Variants in BCL10 observed in about 807,000 individuals in gnomAD.
BCL10 encodes the protein BCL10 immune signaling adaptor.
In BCL10, 5 loss-of-function variants were observed where a neutral mutation model predicts 19.2. The observed-to-expected ratio is 0.26, with a 90% CI of 0.14 to 0.55. BCL10 has a LOEUF of 0.55. BCL10 is among the 20% of genes least tolerant of loss of function. The probability of loss-of-function intolerance (pLI) is 0.94; values close to 1 mark genes in which losing one functional copy is unlikely to be tolerated. For synonymous variants in BCL10, 110 were observed against 98.8 expected, an observed-to-expected ratio of 1.11 and a Z score of -0.67; for missense variants, 201 against 271.9, an observed-to-expected ratio of 0.74 and a Z score of 1.83.
intron 1 of BCL10, among the ~76,000 whole-genome samples, chr1:85,272,645 G>C (rs1357809946): frequency 6.6e-6 from 1 of 152,100 alleles, no homozygotes; most frequent in African/African-American, 2.4e-5. Flanking sequence ...GAGTAGAAAA[G>C]TTAAGGGCAT....
At chr1:85,273,300 C>T (rs982963534) in intron 1 of BCL10, among the ~76,000 whole-genome samples, 2 of 152,176 alleles carry the variant, frequency 1.3e-5, no homozygotes, top group African/African-American at 4.8e-5. Flanking sequence ...CATTTTTCAG[C>T]TGCATAAACA....
At chr1:85,272,332 A>G (rs1660389304) in intron 1 of BCL10, among the ~76,000 whole-genome samples, 1 of 152,038 alleles carries the variant, frequency 6.6e-6, no homozygotes. Context: ...CCTAGACTCA[A>G]GTGATCCCCA....
chr1:85,272,710 G>T (rs1186957303), intron 1 of BCL10, among the ~76,000 whole-genome samples: 1 of 152,142 alleles, frequency 6.6e-6, no homozygotes, highest in Admixed American at 6.5e-5. Flanking sequence ...ACTCACCCTT[G>T]TGAGAGCTGG....
At position 85,265,979 on chromosome 1, in the gene BCL10, T is replaced by C. The variant is rs1461593047; in HGVS notation, c.*1648A>G. ...CCTTCCTTAAATGTAACCTATTTTC[T>C]TTCTAACACCACTATTTTTGCTATG... On this transcript the variant is annotated 3_prime_UTR_variant, in exon 3 of 3. Coordinates refer to ENST00000648566, the MANE Select transcript of BCL10 (RefSeq NM_003921.5). Among the ~76,000 whole-genome samples, 1 of 152,246 alleles carries C rather than the reference T, an allele frequency of 6.6e-6. No individual in the cohort carries two copies. The highest frequency in any genetic ancestry group is 1.5e-5 in the Non-Finnish European group (1 of 68,040).
chr1:85,273,062 A>G (rs1264582260), intron 1 of BCL10, among the ~76,000 whole-genome samples: 2 of 152,138 alleles, frequency 1.3e-5, no homozygotes, highest in East Asian at 3.9e-4. Context: ...GATTTAGGTC[A>G]GTGGTCATCT....
Position 85,276,412 on chromosome 1 carries a change from C to T in BCL10, c.-60G>A. On this transcript the variant is annotated 5_prime_UTR_variant, in exon 1 of 3. Transcript: ENST00000648566. ...GGGAGCTCGGGCTGCGCCGCCCCGC[C>T]CTGGCTGGGGGCTTCGGCCTCCGGG... 6.3e-7 allele frequency: 1 copy of T among 1,589,798 alleles called. No homozygotes were observed. The highest frequency in any genetic ancestry group is 8.6e-7 in the Non-Finnish European group (1 of 1,159,238).
chr1:85,268,004 G>A, intron 2 of BCL10, 22 bp from the exon 3 acceptor site: 2 of 1,446,626 alleles, frequency 1.4e-6, no homozygotes, highest in Non-Finnish European at 1.8e-6. Flanking sequence ...TTATTCAGAT[G>A]TAAATGAAAA....
chr1:85,275,129 G>A (rs3768234), intron 1 of BCL10, among the ~76,000 whole-genome samples: 7,200 of 152,290 alleles, frequency 0.047, 252 homozygotes, highest in East Asian at 0.15. Flanking sequence ...AGGAGGCCTA[G>A]CTCTTGGAAG....
chr1:85,269,826 G>A (rs528612113), intron 2 of BCL10, among the ~76,000 whole-genome samples: 3 of 152,346 alleles, frequency 2.0e-5, no homozygotes, highest in East Asian at 1.9e-4. Context: ...AATGGGACAG[G>A]TGAATCTGCT....
chr1:85,273,839 G>A (rs760963836), intron 1 of BCL10, among the ~76,000 whole-genome samples: 23 of 152,292 alleles, frequency 1.5e-4, no homozygotes, highest in Non-Finnish European at 2.9e-4. Flanking sequence ...CAGGCAGAGG[G>A]ATCTTTAAAC....
intron 1 of BCL10, among the ~76,000 whole-genome samples, chr1:85,273,532 T>A (rs1002920263): frequency 4.6e-5 from 7 of 152,238 alleles, no homozygotes; most frequent in Non-Finnish European, 1.0e-4. Flanking sequence ...AATCATTCAA[T>A]TCCACACTTA....
At position 85,275,978 on chromosome 1, in the gene BCL10, A is replaced by C. The variant is rs529394259; in HGVS notation, c.57+318T>G. 1.1e-4 allele frequency among the ~76,000 whole-genome samples: 16 copies of C among 152,352 alleles called. No individual in the cohort carries two copies. In the South Asian group the frequency reaches 3.3e-3, roughly 32 times the overall value. On this transcript the variant is annotated intron_variant, in intron 1 of 2. Transcript: ENST00000648566. Reference sequence around the variant, plus strand: ...GATGAATCTGAGCCGCCAGTCCCTAACGAAGCATCTCCAAGAACCCAGTTG... The same window carrying C: ...GATGAATCTGAGCCGCCAGTCCCTACCGAAGCATCTCCAAGAACCCAGTTG...
At position 85,267,904 on chromosome 1, in the gene BCL10, T is replaced by C. The variant is rs1290999992; in HGVS notation, c.425A>G (p.Asn142Ser). The C allele has an allele frequency of 5.0e-6, 8 of 1,613,874 alleles. No homozygotes were observed. Among genetic ancestry groups the C allele is most frequent in the Non-Finnish European group, 6.8e-6 (8 of 1,179,970 alleles). ...GGATGCCCTCAGTTTTTCAGAGAAATTACTCTCATCTGAATTTGATCTGGA... is the reference window on the plus strand; with the variant it reads ...GGATGCCCTCAGTTTTTCAGAGAAACTACTCTCATCTGAATTTGATCTGGA... ...NLSRSNSDES[N>S]FSEKLRASTV... The change falls in exon 3 of 3, where the codon AAT becomes AGT. Residue 142 changes from asparagine (N) to serine (S), a missense_variant. By Grantham distance (46) the Asn-to-Ser change is conservative (BLOSUM62 1). Coordinates refer to ENST00000648566, the MANE Select transcript of BCL10 (RefSeq NM_003921.5).
rs781284853 is a variant in BCL10 at position 85,267,905 on chromosome 1, T to G, written c.424A>C (p.Asn142His). Reference sequence around the variant, plus strand: ...GATGCCCTCAGTTTTTCAGAGAAATTACTCTCATCTGAATTTGATCTGGAG... The same window carrying G: ...GATGCCCTCAGTTTTTCAGAGAAATGACTCTCATCTGAATTTGATCTGGAG... ...NLSRSNSDESNFSEKLRASTV... is the reference protein window; with the variant it reads ...NLSRSNSDESHFSEKLRASTV... The change falls in exon 3 of 3, where the codon AAT becomes CAT. Residue 142 changes from asparagine to histidine, a missense_variant. Coordinates refer to ENST00000648566, the MANE Select transcript of BCL10 (RefSeq NM_003921.5). 7 of 1,614,004 alleles carry G rather than the reference T, an allele frequency of 4.3e-6. No homozygotes were observed. The Admixed American group carries it at 8.3e-5, about 19-fold the overall frequency.
rs1570329297 is a variant in BCL10, at chr1:85,267,741, C to T, written c.588G>A (p.Gly196=). 6.2e-7 allele frequency: 1 copy of T among 1,614,160 alleles called. No homozygotes were observed. The highest frequency in any genetic ancestry group is 8.5e-7 in the Non-Finnish European group (1 of 1,180,022). The change falls in exon 3 of 3, where the codon GGG becomes GGA. Residue 196 remains glycine (G), a synonymous_variant. Coordinates refer to ENST00000648566, the MANE Select transcript of BCL10 (RefSeq NM_003921.5). ...IFSSTTLPRP[G]DPGAPPLPPD... is the part of the protein sequence containing the mutation. ...GTGGCAAAGGAGGAGCCCCTGGGTCCCCAGGTCTGGGAAGTGTAGTTGAAG... is the reference window on the plus strand; with the variant it reads ...GTGGCAAAGGAGGAGCCCCTGGGTCTCCAGGTCTGGGAAGTGTAGTTGAAG...
intron 2 of BCL10, among the ~76,000 whole-genome samples, chr1:85,270,413 C>G (rs1418187826): frequency 6.6e-6 from 1 of 152,208 alleles, no homozygotes; most frequent in Non-Finnish European, 1.5e-5. Context: ...GCTGGAAACA[C>G]AGGTATGCAC....
At chr1:85,270,479 C>T in intron 2 of BCL10, 139 bp downstream of exon 2, 1 of 734,034 alleles carries the variant, frequency 1.4e-6, no homozygotes, top group Non-Finnish European at 2.2e-6. Flanking sequence ...CGCTATGTTG[C>T]CCAGGCTGGT....
rs1284632909 is a variant in BCL10, at chr1:85,265,835, AGT to A, written c.*1790_*1791del. 2.6e-5 allele frequency among the ~76,000 whole-genome samples: 4 copies of A among 152,210 alleles called. No homozygotes were observed. The highest frequency in any genetic ancestry group is 9.6e-5 in the African/African-American group (4 of 41,468). On this transcript the variant is annotated 3_prime_UTR_variant, in exon 3 of 3. Transcript: ENST00000648566. ...TAGAAAACAGTCTGAAAGAAAACTC[AGT>A]GTTAAAACTTATCTATATATAGGTG...
intron 1 of BCL10, among the ~76,000 whole-genome samples, chr1:85,274,897 T>C (rs1452039587): frequency 6.6e-6 from 1 of 152,196 alleles, no homozygotes; most frequent in African/African-American, 2.4e-5. Context: ...TAAAATGAAA[T>C]CCTGAAGACA....
Sources: allele counts gnomAD v4.1 joint callset (sites outside exome capture counted in the v4.1 genomes callset), GRCh38; gene constraint gnomAD v4.1.1; transcripts MANE v1.5; gene names NCBI Gene and HGNC (gene_info 2026-07-23, HGNC 2026-07-21).